Variants in AGL observed in about 807,000 individuals in gnomAD.
The protein encoded by AGL is glycogen debranching enzyme.
In AGL, 128 loss-of-function variants were observed where a neutral mutation model predicts 199.3. The observed-to-expected ratio is 0.64, with a 90% CI of 0.56 to 0.74. The LOEUF (loss-of-function observed/expected upper bound fraction) is 0.74, where lower values mean the gene tolerates loss of function less well. AGL is among the 30% of genes least tolerant of loss of function. AGL has a pLI of 0.00. For missense variants in AGL, 1,809 were observed against 1,820.8 expected (o/e 0.99, Z 0.12); for synonymous variants, 584 against 594.7 (o/e 0.98, Z 0.26).
intron 25 of AGL, among the ~76,000 whole-genome samples, 195 bp from the exon 26 acceptor site, chr1:99,900,441 G>GTCT (rs1207131340): frequency 5.3e-5 from 8 of 152,088 alleles, no homozygotes; most frequent in African/African-American, 1.9e-4. Flanking sequence ...TAAAATTCTA[G>GTCT]TCTAGAATCA....
Position 99,861,418 on chromosome 1 carries a change from T to C in AGL, c.83-85T>C, listed in dbSNP as rs879162422. 1.5e-5 allele frequency: 24 copies of C among 1,587,036 alleles called. No individual in the cohort carries two copies. The South Asian group carries it at 2.3e-4, about 15-fold the overall frequency. On this transcript the variant is annotated intron_variant, in intron 2 of 33. Transcript: ENST00000361915. Reference sequence around the variant, plus strand: ...AAACATAATTGAAAAATCAAGGTTTTTTAATACTTTAAATAAAACATCTGT... The same window carrying C: ...AAACATAATTGAAAAATCAAGGTTTCTTAATACTTTAAATAAAACATCTGT...
chr1:99,918,264 A>G (rs1261668029), intron 33 of AGL, among the ~76,000 whole-genome samples: 4 of 152,176 alleles, frequency 2.6e-5, no homozygotes, highest in African/African-American at 4.8e-5. Flanking sequence ...CATCACATCC[A>G]TGCTGGTGTT....
At chr1:99,854,690 G>A in intron 2 of AGL, among the ~76,000 whole-genome samples, 1 of 151,782 alleles carries the variant, frequency 6.6e-6, no homozygotes, top group East Asian at 1.9e-4. Flanking sequence ...CGTGAACCCA[G>A]GAGGCGGAGC....
intron 25 of AGL, among the ~76,000 whole-genome samples, chr1:99,899,522 C>T (rs868775163): frequency 0.01 from 958 of 92,252 alleles, 13 homozygotes; most frequent in African/African-American, 0.042. Flanking sequence ...CTCTCTCTCT[C>T]TCTCTCTTTC....
intron 25 of AGL, among the ~76,000 whole-genome samples, chr1:99,896,724 T>A (rs1390454964): frequency 6.6e-6 from 1 of 152,212 alleles, no homozygotes; most frequent in East Asian, 1.9e-4. Flanking sequence ...CTTGTAGAAG[T>A]CTTGATGTTT....
chr1:99,864,313 T>G, intron 4 of AGL, 73 bp from the exon 5 acceptor site: 5 of 1,352,636 alleles, frequency 3.7e-6, no homozygotes, highest in Non-Finnish European at 5.3e-6. Context: ...AAGTTTAAAT[T>G]TATATTTTCT....
intron 26 of AGL, 125 bp from the exon 27 acceptor site, chr1:99,902,558 C>G: frequency 1.3e-6 from 1 of 770,320 alleles, no homozygotes; most frequent in Non-Finnish European, 2.3e-6. Context: ...CTGGCCTCAC[C>G]CCAATTCCTA....
At chr1:99,852,558 T>TTTTA in intron 2 of AGL, 1 of 603,432 alleles carries the variant, frequency 1.7e-6, no homozygotes. Context: ...TTTTTTTTTG[T>TTTTA]AGAAACTGGG....
chr1:99,871,291 T>G (rs1019925233), intron 7 of AGL, among the ~76,000 whole-genome samples: 1 of 152,068 alleles, frequency 6.6e-6, no homozygotes, highest in African/African-American at 2.4e-5. Context: ...CCCAGCTGAT[T>G]TTGCGCACTA....
intron 5 of AGL, among the ~76,000 whole-genome samples, chr1:99,867,820 G>T (rs533532609): frequency 6.6e-6 from 1 of 152,026 alleles, no homozygotes; most frequent in Non-Finnish European, 1.5e-5. Flanking sequence ...CACCGCACCC[G>T]GCCGTGTTGC....
chr1:99,884,583 C>T lies in AGL; in HGVS notation c.2561C>T (p.Pro854Leu). 3.1e-6 allele frequency: 5 copies of T among 1,613,878 alleles called. No homozygotes were observed. The highest frequency in any genetic ancestry group is 4.2e-6 in the Non-Finnish European group (5 of 1,179,918). Reference protein sequence around the residue: ...SVIIFRVSLDPHAQVAVGILR... With the variant: ...SVIIFRVSLDLHAQVAVGILR... ...AACATTTTCAGAGTTAGTCTTGATC[C>T]ACATGCACAAGTCGCTGTTGGAATT... is the stretch of plus-strand genomic sequence containing the variant. The change falls in exon 20 of 34, where the codon CCA (proline) becomes CTA (leucine). Residue 854 changes from proline to leucine, a missense_variant. Transcript: ENST00000361915.
At chr1:99,889,999 A>G (rs192517287) in intron 21 of AGL, among the ~76,000 whole-genome samples, 36 of 152,250 alleles carry the variant, frequency 2.4e-4, no homozygotes, top group African/African-American at 8.2e-4. Context: ...CCCTCCTTAT[A>G]ATACGGTATA....
At position 99,870,626 on chromosome 1, in the gene AGL, C is replaced by A. The variant is rs772047581; in HGVS notation, c.846+45C>A. ...TATCACACTAAAACAGAAAAAATTT[C>A]TAAAGCACACATTAAATATATGGTT... is the stretch of plus-strand genomic sequence containing the variant. On this transcript the variant is annotated intron_variant, in intron 6 of 33. Coordinates refer to ENST00000361915, the MANE Select transcript of AGL (RefSeq NM_000642.3). 8 of 1,594,378 alleles carry A rather than the reference C, an allele frequency of 5.0e-6. No individual in the cohort carries two copies. In the Admixed American group the frequency reaches 1.2e-4, roughly 23 times the overall value.
chr1:99,904,689 A>C (rs1473096197), intron 27 of AGL, among the ~76,000 whole-genome samples: 1 of 152,174 alleles, frequency 6.6e-6, no homozygotes, highest in East Asian at 1.9e-4. Context: ...CATTTTGAGA[A>C]TGTTATATGA....
intron 5 of AGL, 48 bp downstream of exon 5, chr1:99,864,637 C>A: frequency 6.9e-7 from 1 of 1,448,822 alleles, no homozygotes; most frequent in Non-Finnish European, 9.7e-7. Flanking sequence ...AGAATTTATG[C>A]ACACACACAT....
rs1179562191 is a variant in AGL at position 99,874,739 on chromosome 1, A to G, written c.1011A>G (p.Gln337=). 1.2e-6 allele frequency: 2 copies of G among 1,600,676 alleles called. No homozygotes were observed. Among genetic ancestry groups the G allele is most frequent in the Non-Finnish European group, 1.7e-6 (2 of 1,171,896 alleles). Residue 337 remains glutamine, a synonymous_variant, in exon 8 of 34, where the codon CAA becomes CAG. Coordinates refer to ENST00000361915, the MANE Select transcript of AGL (RefSeq NM_000642.3). ...SDPNQHLTII[Q]DPEYRRFGCT... ...CAAACCAACACCTTACGATTATTCA[A>G]GATCCTGAATACAGACGGTTTGGCT... is the stretch of plus-strand genomic sequence containing the variant.
chr1:99,854,577 A>T (rs1649254830), intron 2 of AGL, among the ~76,000 whole-genome samples: 3 of 151,660 alleles, frequency 2.0e-5, no homozygotes, highest in African/African-American at 7.3e-5. Flanking sequence ...CCTGGCTAAC[A>T]TAGTGAAACC....
rs756269310 is a variant in AGL at position 99,891,371 on chromosome 1, A to G, written c.2949+15A>G. 5.1e-5 allele frequency: 82 copies of G among 1,613,136 alleles called. No homozygotes were observed. The East Asian group carries it at 1.5e-3, about 29-fold the overall frequency. On this transcript the variant is annotated intron_variant, in intron 22 of 33. Coordinates refer to ENST00000361915, the MANE Select transcript of AGL (RefSeq NM_000642.3). ...CTATTGCTGAAGTAAGTAGAGCTAT[A>G]TTATCGTCCCAAAAAATCAAGGACA...
intron 20 of AGL, among the ~76,000 whole-genome samples, chr1:99,886,870 G>A (rs921309117): frequency 6.6e-6 from 1 of 152,224 alleles, no homozygotes; most frequent in African/African-American, 2.4e-5. Context: ...AAGCAGCTTT[G>A]TGTTTGGATG....
Sources: allele counts gnomAD v4.1 joint callset (sites outside exome capture counted in the v4.1 genomes callset), GRCh38; gene constraint gnomAD v4.1.1; transcripts MANE v1.5; gene names NCBI Gene and HGNC (gene_info 2026-07-23, HGNC 2026-07-21).